Variants in METTL24 observed in about 807,000 individuals in gnomAD.
METTL24 encodes the protein methyltransferase like 24, also known as probable methyltransferase-like protein 24.
Under a neutral mutation model 32.7 loss-of-function variants are expected in METTL24, and 29 were observed. That is an observed-to-expected ratio of 0.89 (90% confidence interval 0.66 to 1.21). METTL24 has a LOEUF of 1.21. Ranked by LOEUF, METTL24 falls within the 50% of genes most tolerant of loss-of-function variation. METTL24 has a pLI of 0.00. For missense variants in METTL24, 439 were observed against 468.1 expected, an observed-to-expected ratio of 0.94 and a Z score of 0.57; for synonymous variants, 163 against 179.5, an observed-to-expected ratio of 0.91 and a Z score of 0.73.
intron 4 of METTL24, among the ~76,000 whole-genome samples, chr6:110,283,789 T>A (rs1049455591): frequency 2.0e-5 from 3 of 152,152 alleles, no homozygotes; most frequent in Non-Finnish European, 4.4e-5. Flanking sequence ...AAATTAAAAA[T>A]AGAATCACCA....
At chr6:110,277,279 T>C (rs1449946695) in intron 4 of METTL24, among the ~76,000 whole-genome samples, 4 of 152,152 alleles carry the variant, frequency 2.6e-5, no homozygotes, top group Non-Finnish European at 5.9e-5. Flanking sequence ...TAGCCATACA[T>C]GCTGAGATCA....
intron 4 of METTL24, among the ~76,000 whole-genome samples, chr6:110,278,014 T>C (rs1054482459): frequency 3.3e-5 from 5 of 152,274 alleles, no homozygotes; most frequent in South Asian, 2.1e-4. Context: ...GAGAAAAGTT[T>C]GTGTTATTGT....
rs537274719 is a variant in METTL24 at position 110,356,450 on chromosome 6, AAAAAGAAAAAGAAAAGAAAAG to A, written c.318+1484_318+1504del. Among the ~76,000 whole-genome samples, 801 of 152,092 alleles carry A rather than the reference AAAAAGAAAAAGAAAAGAAAAG, an allele frequency of 5.3e-3. 2 individuals are homozygous for A. The highest frequency in any genetic ancestry group is 0.031 in the Middle Eastern group (9 of 294). On this transcript the variant is annotated intron_variant, in intron 1 of 4. Transcript: ENST00000338882. The stretch of plus-strand genomic sequence containing the variant: ...ACAGCAAGACTCCGGCTCAAATAAA[AAAAAGAAAAAGAAAAGAAAAG>A]AAAAGAAAAAGAAAAGAAAGAAACA...
chr6:110,252,899 C>G (rs1244062303), intron 4 of METTL24, among the ~76,000 whole-genome samples: 16 of 152,184 alleles, frequency 1.1e-4, no homozygotes, highest in Non-Finnish European at 2.4e-4. Context: ...TCTGCTGTCA[C>G]TGTCTTAAAA....
chr6:110,249,951 A>G lies in METTL24; in HGVS notation c.787-3691T>C, dbSNP rs9487326. Among the ~76,000 whole-genome samples, 224 of 152,124 alleles carry G rather than the reference A, an allele frequency of 1.5e-3. 1 individual carries two copies. Among genetic ancestry groups the G allele is most frequent in the African/African-American group, 5.2e-3 (217 of 41,554 alleles). On this transcript the variant is annotated intron_variant, in intron 4 of 4. Transcript: ENST00000338882. The stretch of plus-strand genomic sequence containing the variant: ...CTTTTCCTTGTACCTGAAATATCCA[A>G]TCAATTGACTTTCACAAACCTTTTG...
At chr6:110,321,108 G>C (rs1373730232) in intron 2 of METTL24, among the ~76,000 whole-genome samples, 1 of 152,036 alleles carries the variant, frequency 6.6e-6, no homozygotes, top group Non-Finnish European at 1.5e-5. Context: ...ATGGTGACAG[G>C]CTCCTGTAAT....
At chr6:110,334,636 C>T (rs976481605) in intron 1 of METTL24, among the ~76,000 whole-genome samples, 1 of 152,196 alleles carries the variant, frequency 6.6e-6, no homozygotes, top group Non-Finnish European at 1.5e-5. Flanking sequence ...CACCATTTAT[C>T]ACATGGTTAA....
chr6:110,270,371 T>G (rs1770933898), intron 4 of METTL24, among the ~76,000 whole-genome samples: 6 of 147,674 alleles, frequency 4.1e-5, no homozygotes, highest in Admixed American at 1.4e-4. Context: ...GGGGGAGGGG[T>G]GGGGGTTCCA....
At chr6:110,356,283 A>G (rs184360630) in intron 1 of METTL24, among the ~76,000 whole-genome samples, 1 of 152,140 alleles carries the variant, frequency 6.6e-6, no homozygotes, top group Admixed American at 6.5e-5. Context: ...TCTCTATTAA[A>G]AATACAAAAA....
intron 1 of METTL24, among the ~76,000 whole-genome samples, chr6:110,343,784 A>AT (rs1449458895): frequency 6.6e-6 from 1 of 152,196 alleles, no homozygotes; most frequent in African/African-American, 2.4e-5. Flanking sequence ...AACCATGTTG[A>AT]TATTTTCCTC....
intron 4 of METTL24, among the ~76,000 whole-genome samples, chr6:110,289,315 T>C (rs1001812034): frequency 6.6e-6 from 1 of 152,124 alleles, no homozygotes; most frequent in African/African-American, 2.4e-5. Flanking sequence ...CTGACAAAAG[T>C]TTAAAATAAG....
At position 110,357,997 on chromosome 6, in the gene METTL24, C is replaced by T. The variant is rs1316420560; in HGVS notation, c.276G>A (p.Pro92=). 2.6e-6 allele frequency: 3 copies of T among 1,170,770 alleles called. No individual in the cohort carries two copies. The highest frequency in any genetic ancestry group is 3.1e-4 in the Middle Eastern group (1 of 3,278). The allele number at this position is 1,170,770 out of a possible 1,614,324, so 72.5% of individuals were successfully genotyped here. A position where few individuals can be genotyped will look rare whatever the true frequency, so the allele number is the denominator to read the frequency against. The change falls in exon 1 of 5, where the codon CCG becomes CCA. Residue 92 remains proline (P), a synonymous_variant. Transcript: ENST00000338882. ...APPGGGGSGT[P]EPGCCAPRGR... is the part of the protein sequence containing the mutation. Reference sequence around the variant, plus strand: ...CGCGCGGGGCACAGCAGCCAGGCTCCGGCGTCCCGCTCCCGCCGCCCCCCG... The same window carrying T: ...CGCGCGGGGCACAGCAGCCAGGCTCTGGCGTCCCGCTCCCGCCGCCCCCCG...
chr6:110,319,806 G>T (rs765975721), intron 2 of METTL24, among the ~76,000 whole-genome samples: 8 of 152,036 alleles, frequency 5.3e-5, no homozygotes, highest in Non-Finnish European at 7.4e-5. Context: ...ATTTAAAAAT[G>T]CATGACCCCA....
In METTL24 at chr6:110,302,596, CAT is replaced by C. The variant is rs1461706775; in HGVS notation, c.558-3448_558-3447del. Among the ~76,000 whole-genome samples, 2 of 115,144 alleles carry C rather than the reference CAT, an allele frequency of 1.7e-5. 1 individual carries two copies. Among genetic ancestry groups the C allele is most frequent in the Non-Finnish European group, 3.3e-5 (2 of 60,174 alleles). The allele number at this position is 115,144 out of a possible 152,430, so 75.5% of individuals were successfully genotyped here. On this transcript the variant is annotated intron_variant, in intron 3 of 4. Coordinates refer to ENST00000338882, the MANE Select transcript of METTL24 (RefSeq NM_001123364.3). ...ACACACACATATGTGTATATATACA[CAT>C]ATACACACACATATGTGTATATATA...
intron 4 of METTL24, among the ~76,000 whole-genome samples, chr6:110,266,446 T>A (rs1325445514): frequency 6.6e-6 from 1 of 152,204 alleles, no homozygotes; most frequent in Non-Finnish European, 1.5e-5. Flanking sequence ...ACTGTTCTTA[T>A]TTAGCACTGC....
intron 1 of METTL24, among the ~76,000 whole-genome samples, chr6:110,336,844 G>A (rs369301110): frequency 3.8e-4 from 57 of 151,978 alleles, no homozygotes; most frequent in Admixed American, 2.6e-3. Flanking sequence ...TAGTTCAACC[G>A]TTAGGGAACG....
intron 1 of METTL24, among the ~76,000 whole-genome samples, chr6:110,347,782 A>G (rs1188924943): frequency 6.6e-6 from 1 of 152,110 alleles, no homozygotes; most frequent in African/African-American, 2.4e-5. Flanking sequence ...AGATATTTGT[A>G]ATTAGCTTTG....
intron 3 of METTL24, among the ~76,000 whole-genome samples, chr6:110,300,596 CT>C (rs932769001): frequency 2.6e-5 from 4 of 151,506 alleles, no homozygotes; most frequent in African/African-American, 9.7e-5. Flanking sequence ...AACTTTTGTA[CT>C]TTTAGTAGAG....
chr6:110,332,389 G>A (rs1027366447), intron 1 of METTL24: 3 of 387,816 alleles, frequency 7.7e-6, no homozygotes, highest in African/African-American at 2.2e-5. Context: ...AGAATAAAAC[G>A]TAATATATTT....
Sources: gnomAD v4.1 joint callset for allele counts (sites outside exome capture counted in the v4.1 genomes callset) on GRCh38, gnomAD v4.1.1 for gene constraint, MANE v1.5 for transcripts, NCBI Gene and HGNC (gene_info 2026-07-23, HGNC 2026-07-21) for gene names.